Variants in MYO1C observed in about 807,000 individuals in gnomAD.
MYO1C encodes myosin IC.
A neutral mutation model predicts 150.8 loss-of-function variants in MYO1C; 104 were observed. That is an observed-to-expected ratio of 0.69 (90% CI 0.59 to 0.81). The LOEUF (loss-of-function observed/expected upper bound fraction) is 0.81. Among genes scored for constraint, MYO1C ranks in the 30% least tolerant of loss-of-function variants. MYO1C has a pLI of 0.00. For synonymous variants in MYO1C, 663 were observed against 579.9 expected (o/e 1.14, Z -2.06); for missense variants, 1,504 against 1,435.0 (o/e 1.05, Z -0.78).
At chr17:1,465,915 C>T (rs111834997) in intron 31 of MYO1C, among the ~76,000 whole-genome samples, 163 bp from the exon 32 acceptor site, 1,792 of 151,270 alleles carry the variant, frequency 0.012, 36 homozygotes, top group African/African-American at 0.041. Flanking sequence ...TGTCCTCCCA[C>T]CTCTGCTTCC....
At position 1,483,712 on chromosome 17, in the gene MYO1C, G is replaced by A. The variant is rs1387632139; in HGVS notation, c.245C>T (p.Pro82Leu). 1 of 1,611,750 alleles carries A rather than the reference G, an allele frequency of 6.2e-7. No homozygotes were observed. Among genetic ancestry groups the A allele is most frequent in the African/African-American group, 1.3e-5 (1 of 75,008 alleles). Residue 82 changes from proline (P) to leucine (L), a missense_variant, in exon 3 of 32, where the codon CCC (proline) becomes CTC (leucine). By Grantham distance (98) the Pro-to-Leu change is moderately conservative (BLOSUM62 -3). Coordinates refer to ENST00000648651, the MANE Select transcript of MYO1C (RefSeq NM_001080779.2). ...RENLIYTYIG[P>L]VLVSVNPYRD... Reference sequence around the variant, plus strand: ...GTAGGGATTGACAGAGACCAGGACGGGGCCAATGTAGGTCTGGGATCGGGG... The same window carrying A: ...GTAGGGATTGACAGAGACCAGGACGAGGCCAATGTAGGTCTGGGATCGGGG...
At chr17:1,476,810 A>G (rs9896862) in intron 14 of MYO1C, among the ~76,000 whole-genome samples, 67,139 of 151,970 alleles carry the variant, frequency 0.44, 16,514 homozygotes, top group African/African-American at 0.67. Flanking sequence ...AACAAGAAGA[A>G]GGAGGAAGCC....
intron 5 of MYO1C, among the ~76,000 whole-genome samples, chr17:1,481,516 T>C (rs907845571): frequency 3.9e-5 from 6 of 152,084 alleles, no homozygotes; most frequent in African/African-American, 1.4e-4. Context: ...TATTTTTTAT[T>C]TTTGGAGACA....
At chr17:1,475,196 A>G (rs538887650) in intron 14 of MYO1C, among the ~76,000 whole-genome samples, 164 bp from the exon 15 acceptor site, 2 of 152,302 alleles carry the variant, frequency 1.3e-5, no homozygotes, top group South Asian at 2.1e-4. Flanking sequence ...CGAGGTGGGT[A>G]GATCACAAAG....
Position 1,482,552 on chromosome 17 carries a change from C to T in MYO1C, c.553G>A (p.Gly185Arg). The T allele has an allele frequency of 6.2e-7, 1 of 1,613,986 alleles. No homozygotes were observed. Among genetic ancestry groups the T allele is most frequent in the Non-Finnish European group, 8.5e-7 (1 of 1,179,928 alleles). The change falls in exon 5 of 32, where the codon GGA (glycine) becomes AGA (arginine). Residue 185 changes from glycine to arginine, a missense_variant. By Grantham distance (125) the Gly-to-Arg change is moderately radical. Coordinates refer to ENST00000648651, the MANE Select transcript of MYO1C (RefSeq NM_001080779.2). ...LQSNPVLEAFGNAKTLRNDNS... is the reference protein window; with the variant it reads ...LQSNPVLEAFRNAKTLRNDNS... ...TCGTTCCGGAGGGTCTTGGCATTTC[C>T]AAAGGCCTAGGAGTGGACAGGGGTA...
rs1367123802 is a variant in MYO1C at position 1,478,188 on chromosome 17, C to T, written c.1300G>A (p.Glu434Lys). The part of the protein sequence containing the change: ...GFEVFQHNSF[E>K]QFCINYCNEK... ...TTGCAGTAATTGATGCAGAACTGCT[C>T]AAAGCTGTAAGGAAGGAGAAGAGCC... The change falls in exon 12 of 32, where the codon GAG becomes AAG. Residue 434 changes from glutamate to lysine, a missense_variant. Coordinates refer to ENST00000648651, the MANE Select transcript of MYO1C (RefSeq NM_001080779.2). The surrounding 1 kb of genome is among the most constrained non-coding windows in gnomAD (Gnocchi z 6.3). The T allele has an allele frequency of 6.2e-7, 1 of 1,613,462 alleles. No individual in the cohort carries two copies. Among genetic ancestry groups the T allele is most frequent in the Non-Finnish European group, 8.5e-7 (1 of 1,179,942 alleles).
chr17:1,467,962 C>T, intron 28 of MYO1C, 26 bp downstream of exon 28: 1 of 1,612,930 alleles, frequency 6.2e-7, no homozygotes, highest in African/African-American at 1.3e-5. Context: ...AGGGCCCTCC[C>T]CCTGCAGCCC....
intron 14 of MYO1C, 84 bp downstream of exon 14, chr17:1,477,421 T>C (rs962159400): frequency 7.9e-7 from 1 of 1,269,900 alleles, no homozygotes; most frequent in Non-Finnish European, 1.1e-6. Context: ...GGCTGGTGTT[T>C]TGTGATGGCG....
intron 1 of MYO1C, chr17:1,485,509 G>T: frequency 1.7e-6 from 1 of 587,548 alleles, no homozygotes; most frequent in Non-Finnish European, 2.3e-6. Flanking sequence ...TCCTCATCCG[G>T]CCCCGGGTCC....
At position 1,480,545 on chromosome 17, in the gene MYO1C, G is replaced by A; in HGVS notation, c.888C>T (p.Phe296=). The A allele has an allele frequency of 6.2e-7, 1 of 1,614,182 alleles. No individual in the cohort carries two copies. The highest frequency in any genetic ancestry group is 1.1e-5 in the South Asian group (1 of 91,088). ...VVRKALTVID[F]TEDEVEDLLS... The stretch of plus-strand genomic sequence containing the variant: ...GCCTCACCTCCACTTCATCCTCGGT[G>A]AAATCAATGACTGTCAGAGCCTTCC... The change falls in exon 7 of 32, where the codon TTC becomes TTT. Residue 296 remains phenylalanine (F), a synonymous_variant. Coordinates refer to ENST00000648651, the MANE Select transcript of MYO1C (RefSeq NM_001080779.2).
chr17:1,492,515 G>GGCACCGCGGCCTGT lies in MYO1C; in HGVS notation c.-42_-29dup, dbSNP rs774929781. On this transcript the variant is annotated 5_prime_UTR_variant, in exon 1 of 32. Coordinates refer to ENST00000648651, the MANE Select transcript of MYO1C (RefSeq NM_001080779.2). ...CGCCCTGCGGAGAGCCAGCGGCCTG[G>GGCACCGCGGCCTGT]GCACCGCGGCCTGTGAGCAAGAGCT... The GGCACCGCGGCCTGT allele has an allele frequency of 1.9e-6, 3 of 1,575,786 alleles. No individual in the cohort carries two copies. The highest frequency in any genetic ancestry group is 2.3e-5 in the South Asian group (2 of 86,576).
rs1162185298 is a variant in MYO1C at position 1,464,960 on chromosome 17, G to C, written c.*766C>G. ...CCCGAGTAGCTGGGATTAGAGGCGT[G>C]CACCACCATGCCCGGCTAATTTTGT... On this transcript the variant is annotated 3_prime_UTR_variant, in exon 32 of 32. Coordinates refer to ENST00000648651, the MANE Select transcript of MYO1C (RefSeq NM_001080779.2). The C allele has an allele frequency of 6.6e-6, 1 of 152,144 alleles. No individual in the cohort carries two copies. Among genetic ancestry groups the C allele is most frequent in the African/African-American group, 2.4e-5 (1 of 41,372 alleles). The allele number at this position is 152,144 out of a possible 1,614,324, so 9.4% of individuals were successfully genotyped here. A position where few individuals can be genotyped will look rare whatever the true frequency, so the allele number is the denominator to read the frequency against.
chr17:1,484,714 G>C (rs1055264269), intron 1 of MYO1C: 3 of 377,082 alleles, frequency 8.0e-6, no homozygotes, highest in Non-Finnish European at 1.0e-5. Flanking sequence ...GTTGAGCTTG[G>C]ACCAATCCCC....
intron 1 of MYO1C, chr17:1,491,617 C>T (rs2074735907): frequency 9.2e-6 from 9 of 980,890 alleles, no homozygotes; most frequent in South Asian, 9.4e-5. Context: ...GCTCTTCCGG[C>T]GCGGGCGGGG....
In MYO1C at chr17:1,472,129, G is replaced by GT; in HGVS notation, c.1896dup (p.Gln633ThrfsTer6). ...CCCCGTGGGAGGGGCCTACCGGGCT[G>GT]TTTGGCATCATTGGGTTTGATGCAG... On this transcript the variant is annotated frameshift_variant, in exon 18 of 32. Transcript: ENST00000648651. LOFTEE classifies it high-confidence loss of function. The GT allele has an allele frequency of 6.2e-7, 1 of 1,614,102 alleles. No homozygotes were observed. The highest frequency in any genetic ancestry group is 8.5e-7 in the Non-Finnish European group (1 of 1,179,970).
intron 1 of MYO1C, chr17:1,485,620 A>C: frequency 9.3e-7 from 1 of 1,080,450 alleles, no homozygotes; most frequent in Non-Finnish European, 1.2e-6. Context: ...CTTCCTGGCG[A>C]GGCCGAGGCG....
rs925183408 is a variant in MYO1C, at chr17:1,481,018, G to A, written c.628-133C>T. 1.1e-5 allele frequency: 10 copies of A among 943,648 alleles called. No homozygotes were observed. In the East Asian group the frequency reaches 1.8e-4, roughly 17 times the overall value. 58.5% of individuals were successfully genotyped at this position (943,648 alleles called of 1,614,324 possible). A position where few individuals can be genotyped will look rare whatever the true frequency, so the allele number is the denominator to read the frequency against. ...CAATTCCAGCCCTGCCACTAGCTGC[G>A]TCGGCTCAGGCACGCCACCCACGCT... On this transcript the variant is annotated intron_variant, in intron 5 of 31. Coordinates refer to ENST00000648651, the MANE Select transcript of MYO1C (RefSeq NM_001080779.2).
chr17:1,469,503 C>T (rs769544000), intron 25 of MYO1C, 28 bp downstream of exon 25: 1 of 1,576,422 alleles, frequency 6.3e-7, no homozygotes, highest in Non-Finnish European at 8.7e-7. Context: ...TCCACTTCCT[C>T]ATCCTCACCC....
chr17:1,491,197 C>T (rs1038874611), intron 1 of MYO1C: 1 of 152,268 alleles, frequency 6.6e-6, no homozygotes, highest in African/African-American at 2.4e-5. Flanking sequence ...TGGCCATCCT[C>T]CTTCTCCGGC....
Sources: gnomAD v4.1 joint callset for allele counts (sites outside exome capture counted in the v4.1 genomes callset) on GRCh38, gnomAD v4.1.1 for gene constraint, Gnocchi (gnomAD v3.1) non-coding constraint, MANE v1.5 for transcripts, NCBI Gene and HGNC (gene_info 2026-07-23, HGNC 2026-07-21) for gene names.